The following PRPF6 variants were observed in gnomAD, a reference collection of about 807,000 sequenced individuals.
PRPF6 encodes the protein pre-mRNA processing factor 6, also known as pre-mRNA-processing factor 6.
A neutral mutation model predicts 118.3 loss-of-function variants in PRPF6; 42 were observed. That is an observed-to-expected ratio of 0.35 (90% CI 0.28 to 0.46). The LOEUF (loss-of-function observed/expected upper bound fraction) is 0.46, where lower values mean the gene tolerates loss of function less well. PRPF6 is among the 20% of genes least tolerant of loss of function. The probability of loss-of-function intolerance (pLI) is 1.00; values close to 1 mark genes in which losing one functional copy is unlikely to be tolerated. For synonymous variants in PRPF6, 481 were observed against 485.1 expected (o/e 0.99, Z 0.11); for missense variants, 662 against 1,255.7 (o/e 0.53, Z 7.15).
Position 63,995,048 on chromosome 20 carries a change from T to A in PRPF6, c.571T>A (p.Leu191Ile). 1 of 1,614,112 alleles carries A rather than the reference T, an allele frequency of 6.2e-7. No individual in the cohort carries two copies. The highest frequency in any genetic ancestry group is 8.5e-7 in the Non-Finnish European group (1 of 1,180,026). The change falls in exon 5 of 21, where the codon TTA (leucine) becomes ATA (isoleucine). Residue 191 changes from leucine (L) to isoleucine (I), a missense_variant. Around this residue, in one of 10 missense-constraint regions of PRPF6, gnomAD observed 97 missense variants for 122.6 expected, o/e 0.79. Coordinates refer to ENST00000266079, the MANE Select transcript of PRPF6 (RefSeq NM_012469.4). ...TCCTGACAGTTTCTTTGCCAAACAT[T>A]TACAGACCGGAGAGAACCATACCTC... ...PVPDSFFAKH[L>I]QTGENHTSVD...
At position 63,999,159 on chromosome 20, in the gene PRPF6, G is replaced by C. The variant is rs771775817; in HGVS notation, c.866+20G>C. The C allele has an allele frequency of 6.2e-7, 1 of 1,605,068 alleles. No homozygotes were observed. Among genetic ancestry groups the C allele is most frequent in the Non-Finnish European group, 8.5e-7 (1 of 1,172,430 alleles). The stretch of plus-strand genomic sequence containing the variant: ...CATCAAGTGAGTGCTTTGCAGAATC[G>C]CTGGGCTGGGATGGAGACTCTAGTT... On this transcript the variant is annotated intron_variant, in intron 7 of 20. Coordinates refer to ENST00000266079, the MANE Select transcript of PRPF6 (RefSeq NM_012469.4).
intron 4 of PRPF6, among the ~76,000 whole-genome samples, chr20:63,994,574 G>T (rs1351356423): frequency 6.6e-6 from 1 of 152,200 alleles, no homozygotes; most frequent in Non-Finnish European, 1.5e-5. Context: ...GAGCCCAGGA[G>T]TTTGAGACCA....
chr20:63,995,894 T>G (rs2059139271), intron 6 of PRPF6, among the ~76,000 whole-genome samples: 1 of 151,990 alleles, frequency 6.6e-6, no homozygotes, highest in Non-Finnish European at 1.5e-5. Context: ...TGACCTCAGG[T>G]GATCTGTCTG....
At chr20:63,995,673 G>A (rs1376364728) in intron 6 of PRPF6, among the ~76,000 whole-genome samples, 191 bp downstream of exon 6, 1 of 93,058 alleles carries the variant, frequency 1.1e-5, no homozygotes, top group Non-Finnish European at 2.1e-5. Context: ...TTAAAATTTT[G>A]ACCCAGAGTC....
intron 9 of PRPF6, among the ~76,000 whole-genome samples, chr20:64,009,494 G>A (rs1012790460): frequency 5.3e-5 from 8 of 152,204 alleles, no homozygotes; most frequent in African/African-American, 1.2e-4. Flanking sequence ...AAGCCGAAGC[G>A]GGCGGATCAC....
At chr20:63,999,939 G>A (rs2059159072) in intron 8 of PRPF6, among the ~76,000 whole-genome samples, 180 bp downstream of exon 8, 1 of 148,552 alleles carries the variant, frequency 6.7e-6, no homozygotes, top group African/African-American at 2.5e-5. Flanking sequence ...CATGTGGAGT[G>A]AAGGCTAATC....
Position 64,027,778 on chromosome 20 carries a change from C to A in PRPF6, c.2339+42C>A. On this transcript the variant is annotated intron_variant, in intron 17 of 20. Coordinates refer to ENST00000266079, the MANE Select transcript of PRPF6 (RefSeq NM_012469.4). The surrounding 1 kb of genome is among the most constrained non-coding windows in gnomAD (Gnocchi z 6.5). ...GCAGCCTGGCCTCTGGGCACAGCTT[C>A]CCCATCAGGTGGGCCGCCGTCACCC... The A allele has an allele frequency of 6.2e-7, 1 of 1,612,532 alleles. No homozygotes were observed. Among genetic ancestry groups the A allele is most frequent in the Non-Finnish European group, 8.5e-7 (1 of 1,179,738 alleles).
intron 20 of PRPF6, among the ~76,000 whole-genome samples, chr20:64,032,550 T>C (rs2059319858): frequency 6.6e-6 from 1 of 152,202 alleles, no homozygotes; most frequent in Admixed American, 6.5e-5. Flanking sequence ...AACTCCTTGT[T>C]TGGAGAAGGC....
At chr20:64,021,977 C>T (rs889707322) in intron 12 of PRPF6, among the ~76,000 whole-genome samples, 5 of 140,392 alleles carry the variant, frequency 3.6e-5, no homozygotes, top group Admixed American at 2.1e-4. Flanking sequence ...GCATATGCCT[C>T]GGCCACAGCC....
chr20:63,982,255 C>T (rs1569209448), intron 1 of PRPF6, among the ~76,000 whole-genome samples: 1 of 152,182 alleles, frequency 6.6e-6, no homozygotes, highest in Non-Finnish European at 1.5e-5. Flanking sequence ...TCCCTGCAAT[C>T]TCTGCCCCCC....
chr20:64,032,992 G>T lies in PRPF6; in HGVS notation c.2825G>T (p.Ter942LeuextTer21). ...GCCGGCCGCATCAAGAACACCTTCT[G>T]ATTGAGCGGTTGCCATGGCCGGTCT... is the stretch of plus-strand genomic sequence containing the variant. ...LVAGRIKNTF[*>L] is the part of the protein sequence containing the mutation. Residue 942 changes from the stop codon to leucine (L), a stop_lost, in exon 21 of 21, where the codon TGA (stop) becomes TTA (leucine). Coordinates refer to ENST00000266079, the MANE Select transcript of PRPF6 (RefSeq NM_012469.4). 6.2e-7 allele frequency: 1 copy of T among 1,613,262 alleles called. No individual in the cohort carries two copies.
chr20:64,024,432 C>T (rs1021037504), intron 13 of PRPF6, 123 bp from the exon 14 acceptor site: 6 of 1,311,788 alleles, frequency 4.6e-6, no homozygotes, highest in African/African-American at 4.4e-5. Context: ...TCTGGTCAAT[C>T]ATTTATAGCA....
At chr20:64,003,236 C>T (rs2059175652) in intron 9 of PRPF6, among the ~76,000 whole-genome samples, 1 of 152,206 alleles carries the variant, frequency 6.6e-6, no homozygotes, top group Non-Finnish European at 1.5e-5. Context: ...GCCGTCGCAT[C>T]CAGCCTATTC....
intron 9 of PRPF6, among the ~76,000 whole-genome samples, chr20:64,008,664 A>G (rs1209502580): frequency 6.6e-6 from 1 of 152,054 alleles, no homozygotes; most frequent in Non-Finnish European, 1.5e-5. Context: ...TTCTTAAGAG[A>G]AGAATTTTCC....
At chr20:64,003,979 T>C (rs986489683) in intron 9 of PRPF6, among the ~76,000 whole-genome samples, 7 of 152,366 alleles carry the variant, frequency 4.6e-5, no homozygotes, top group African/African-American at 7.2e-5. Flanking sequence ...TTATCTTTTT[T>C]CAGCTAGGAA....
chr20:64,004,726 A>G (rs1375405128), intron 9 of PRPF6, among the ~76,000 whole-genome samples: 1 of 152,200 alleles, frequency 6.6e-6, no homozygotes, highest in Admixed American at 6.5e-5. Flanking sequence ...GGGAGGGTGC[A>G]GCATGTGAGC....
chr20:64,027,559 T>G lies in PRPF6; in HGVS notation c.2206-44T>G. ...GCTGGGCATGGCTGTGTCCCAGTTC[T>G]TCATAGACACCACCTGAGCTGCTCT... On this transcript the variant is annotated intron_variant, in intron 16 of 20. Transcript: ENST00000266079. This position sits in a 1 kb window ranked among gnomAD's most constrained non-coding sequence, Gnocchi z 6.5. 1 of 1,613,800 alleles carries G rather than the reference T, an allele frequency of 6.2e-7. No homozygotes were observed. Among genetic ancestry groups the G allele is most frequent in the Non-Finnish European group, 8.5e-7 (1 of 1,179,872 alleles).
chr20:64,001,377 T>G, intron 9 of PRPF6, 138 bp downstream of exon 9: 1 of 1,064,760 alleles, frequency 9.4e-7, no homozygotes, highest in Non-Finnish European at 1.4e-6. Context: ...TCAGGCTGGG[T>G]TGCCTCTGCC....
In PRPF6 at chr20:64,011,623, C is replaced by G; in HGVS notation, c.1524+120C>G. On this transcript the variant is annotated intron_variant, in intron 11 of 20. Coordinates refer to ENST00000266079, the MANE Select transcript of PRPF6 (RefSeq NM_012469.4). This position sits in a 1 kb window ranked among gnomAD's most constrained non-coding sequence, Gnocchi z 6.7. ...GGGGAGTCCTGTGCCAAACCAGAAG[C>G]AGGCACAGGTGTGAATGGGCCCTGA... 8.7e-7 allele frequency: 1 copy of G among 1,148,654 alleles called. No individual in the cohort carries two copies. Among genetic ancestry groups the G allele is most frequent in the Non-Finnish European group, 1.3e-6 (1 of 795,444 alleles). 71.2% of individuals were successfully genotyped at this position (1,148,654 alleles called of 1,614,324 possible).
Sources: gnomAD v4.1 joint callset for allele counts (sites outside exome capture counted in the v4.1 genomes callset) on GRCh38, gnomAD v4.1.1 for gene constraint, gnomAD v4.1.1 regional missense constraint, Gnocchi (gnomAD v3.1) non-coding constraint, MANE v1.5 for transcripts, NCBI Gene and HGNC (gene_info 2026-07-23, HGNC 2026-07-21) for gene names.